The following ERICH1 variants were observed in gnomAD, a reference collection of about 807,000 sequenced individuals.
The protein encoded by ERICH1 is glutamate-rich protein 1.
A neutral mutation model predicts 39.6 loss-of-function variants in ERICH1; 56 were observed. The ratio of observed to expected loss-of-function variants is 1.41; its 90% CI spans 1.14 to 1.77. ERICH1 has a LOEUF of 1.77. Ranked by LOEUF, ERICH1 falls within the 40% of genes most tolerant of loss-of-function variation. The pLI, the probability that ERICH1 is intolerant of heterozygous loss-of-function variation, is 0.00. For missense variants in ERICH1, 826 were observed against 575.4 expected, an observed-to-expected ratio of 1.44 and a Z score of -4.45; for synonymous variants, 313 against 223.6, an observed-to-expected ratio of 1.40 and a Z score of -3.57.
chr8:622,875 T>C (rs543090877), intron 3 of ERICH1, among the ~76,000 whole-genome samples: 10 of 152,146 alleles, frequency 6.6e-5, no homozygotes, highest in Non-Finnish European at 1.5e-4. Flanking sequence ...GAAGGATTGC[T>C]TGAGCCCAGG....
intron 2 of ERICH1, among the ~76,000 whole-genome samples, chr8:697,805 C>A (rs1330553807): frequency 1.3e-5 from 2 of 152,204 alleles, no homozygotes; most frequent in African/African-American, 4.8e-5. Flanking sequence ...GCAGCAGCAG[C>A]ACGTGGGTCT....
intron 3 of ERICH1, among the ~76,000 whole-genome samples, chr8:639,602 G>A (rs890032985): frequency 6.6e-6 from 1 of 150,970 alleles, no homozygotes; most frequent in Non-Finnish European, 1.5e-5. Flanking sequence ...AAGCACCCTG[G>A]ATTCAGAGGC....
intron 1 of ERICH1, among the ~76,000 whole-genome samples, chr8:720,010 C>A (rs1185481614): frequency 6.6e-6 from 1 of 151,948 alleles, no homozygotes; most frequent in Non-Finnish European, 1.5e-5. Context: ...AGGCCTGGAA[C>A]CAGCCCCTTC....
At chr8:636,527 C>T (rs562360197) in intron 3 of ERICH1, among the ~76,000 whole-genome samples, 34 of 152,270 alleles carry the variant, frequency 2.2e-4, no homozygotes, top group Non-Finnish European at 3.8e-4. Context: ...GTGGGCCCAA[C>T]AGAGTCTCCT....
At chr8:657,770 A>C (rs554718826) in intron 3 of ERICH1, among the ~76,000 whole-genome samples, 15 of 152,028 alleles carry the variant, frequency 9.9e-5, no homozygotes, top group Non-Finnish European at 1.8e-4. Context: ...AGGACTCAGT[A>C]ATGTGCAGGA....
intron 3 of ERICH1, among the ~76,000 whole-genome samples, chr8:686,302 T>C (rs1435580291): frequency 2.0e-5 from 3 of 152,220 alleles, no homozygotes; most frequent in Non-Finnish European, 4.4e-5. Context: ...AGTGTAAGGA[T>C]ACACCACTAT....
chr8:685,530 G>C lies in ERICH1; in HGVS notation c.304+6948C>G, dbSNP rs568413386. On this transcript the variant is annotated intron_variant, in intron 3 of 5. Coordinates refer to ENST00000262109, the MANE Select transcript of ERICH1 (RefSeq NM_207332.3). ...AGGAAATTATAAGAGTATTGATTGG[G>C]GAAGTGATACATGTCCATGAAATCT... Among the ~76,000 whole-genome samples the C allele has an allele frequency of 3.5e-4, 53 of 152,272 alleles. 1 individual carries two copies. Among genetic ancestry groups the C allele is most frequent in the Middle Eastern group, 6.8e-3 (2 of 294 alleles).
chr8:652,445 T>C (rs1268348711), intron 3 of ERICH1, among the ~76,000 whole-genome samples: 3 of 152,200 alleles, frequency 2.0e-5, no homozygotes, highest in Non-Finnish European at 2.9e-5. Context: ...GAAATCTAGA[T>C]AGGAACGGAG....
intron 3 of ERICH1, among the ~76,000 whole-genome samples, chr8:652,789 G>A (rs1281216120): frequency 6.6e-6 from 1 of 152,128 alleles, no homozygotes; most frequent in African/African-American, 2.4e-5. Context: ...AAGTAGGCAC[G>A]GGACCGGAAT....
chr8:635,661 C>T (rs1322673528), intron 3 of ERICH1, among the ~76,000 whole-genome samples: 1 of 152,238 alleles, frequency 6.6e-6, no homozygotes, highest in Non-Finnish European at 1.5e-5. Flanking sequence ...TGCACCCTCA[C>T]GCTCACCTGT....
At chr8:678,316 A>C (rs905677291) in intron 3 of ERICH1, among the ~76,000 whole-genome samples, 6 of 152,214 alleles carry the variant, frequency 3.9e-5, no homozygotes, top group African/African-American at 1.4e-4. Flanking sequence ...GGAAGTGCCG[A>C]TACGTCTTGT....
intron 3 of ERICH1, chr8:656,651 G>A: frequency 5.4e-6 from 4 of 747,610 alleles, no homozygotes; most frequent in African/African-American, 1.9e-5. Flanking sequence ...TGACAAGTGT[G>A]GAATTTTGGG....
At chr8:696,857 C>G (rs1810421526) in intron 2 of ERICH1, among the ~76,000 whole-genome samples, 2 of 139,896 alleles carry the variant, frequency 1.4e-5, no homozygotes, top group African/African-American at 5.3e-5. Flanking sequence ...CTCTCTCCCT[C>G]TCCTTCCTCC....
chr8:638,963 C>T (rs1798684168), intron 3 of ERICH1, among the ~76,000 whole-genome samples: 1 of 152,154 alleles, frequency 6.6e-6, no homozygotes, highest in Non-Finnish European at 1.5e-5. Flanking sequence ...GCCTATCTTT[C>T]CAGGTACATT....
intron 1 of ERICH1, among the ~76,000 whole-genome samples, chr8:723,793 T>G (rs896903873): frequency 6.6e-6 from 1 of 152,254 alleles, no homozygotes; most frequent in Non-Finnish European, 1.5e-5. Context: ...GCCACAGCTT[T>G]CTTTAAAATG....
chr8:681,952 G>C (rs147858448), intron 3 of ERICH1, among the ~76,000 whole-genome samples: 2 of 152,288 alleles, frequency 1.3e-5, no homozygotes, highest in Non-Finnish European at 2.9e-5. Flanking sequence ...CGCCCTGTCT[G>C]CCTTCATTAA....
At chr8:623,226 G>T (rs1197937287) in intron 3 of ERICH1, among the ~76,000 whole-genome samples, 1 of 152,144 alleles carries the variant, frequency 6.6e-6, no homozygotes, top group South Asian at 2.1e-4. Flanking sequence ...TTTATCCTAG[G>T]AATTCAAGGG....
At chr8:708,501 A>G (rs1451354346) in intron 2 of ERICH1, among the ~76,000 whole-genome samples, 1 of 152,174 alleles carries the variant, frequency 6.6e-6, no homozygotes, top group African/African-American at 2.4e-5. Context: ...ATGCTACAAC[A>G]TGAATGAACC....
At chr8:719,277 G>A (rs886595010) in intron 1 of ERICH1, among the ~76,000 whole-genome samples, 1 of 152,168 alleles carries the variant, frequency 6.6e-6, no homozygotes, top group African/African-American at 2.4e-5. Flanking sequence ...CTCCGATCCT[G>A]CCCCATCCAC....
Sources: gnomAD v4.1 joint callset for allele counts (sites outside exome capture counted in the v4.1 genomes callset) on GRCh38, gnomAD v4.1.1 for gene constraint, MANE v1.5 for transcripts, NCBI Gene and HGNC (gene_info 2026-07-23, HGNC 2026-07-21) for gene names.